PCDHA11: variants seen among roughly 807,000 people sequenced by gnomAD.
The protein encoded by PCDHA11 is protocadherin alpha-11.
PCDHA11 carries 61 observed loss-of-function variants against 70.3 expected under a neutral mutation model. That is an observed-to-expected ratio of 0.87 (90% CI 0.71 to 1.07). PCDHA11 has a LOEUF of 1.07. Among genes scored for constraint, PCDHA11 ranks in the 50% least tolerant of loss-of-function variants. The pLI is 0.00. For synonymous variants in PCDHA11, 633 were observed against 555.1 expected, an observed-to-expected ratio of 1.14 and a Z score of -1.97; for missense variants, 1,324 against 1,237.5, an observed-to-expected ratio of 1.07 and a Z score of -1.05.
intron 1 of PCDHA11, among the ~76,000 whole-genome samples, chr5:140,953,567 C>G (rs1385823859): frequency 6.6e-6 from 1 of 152,018 alleles, no homozygotes; most frequent in Non-Finnish European, 1.5e-5. Flanking sequence ...TTTTAGTGCC[C>G]TCCTCTCCCA....
chr5:140,920,974 A>G (rs77459262), intron 1 of PCDHA11, among the ~76,000 whole-genome samples: 17,697 of 151,984 alleles, frequency 0.12, 1,149 homozygotes, highest in Middle Eastern at 0.19. Context: ...CTAGAGTATA[A>G]TATTGTATTT....
At chr5:140,937,829 A>G (rs1305110198) in intron 1 of PCDHA11, among the ~76,000 whole-genome samples, 2 of 148,988 alleles carry the variant, frequency 1.3e-5, no homozygotes, top group African/African-American at 2.5e-5. Context: ...GGAGAATGGC[A>G]TGAACCTGGA....
chr5:140,969,348 G>A, intron 1 of PCDHA11: 5 of 1,613,304 alleles, frequency 3.1e-6, no homozygotes, highest in Non-Finnish European at 4.2e-6. Flanking sequence ...CAGTGGTCAG[G>A]GGGTCTTCTA....
At chr5:140,878,225 A>G (rs1554170330) in intron 1 of PCDHA11, 1 of 156,262 alleles carries the variant, frequency 6.4e-6, no homozygotes, top group Non-Finnish European at 1.4e-5. Context: ...CCTAGATCCC[A>G]TTAATGGATT....
At chr5:140,967,785 G>A (rs1554229943) in intron 1 of PCDHA11, 6 of 1,614,176 alleles carry the variant, frequency 3.7e-6, no homozygotes, top group Admixed American at 3.3e-5. Context: ...GCGACTGACC[G>A]GGGTCCAGTG....
At chr5:140,942,618 G>A (rs2093340526) in intron 1 of PCDHA11, among the ~76,000 whole-genome samples, 1 of 97,740 alleles carries the variant, frequency 1.0e-5, no homozygotes. Context: ...TTTGCCAATT[G>A]TAAAAAAAAA....
intron 1 of PCDHA11, among the ~76,000 whole-genome samples, chr5:140,874,668 A>G (rs1424174427): frequency 6.6e-6 from 1 of 152,238 alleles, no homozygotes; most frequent in African/African-American, 2.4e-5. Context: ...TCCAGAATCT[A>G]TTCCTGAGAT....
chr5:140,968,994 G>T (rs1182509201), intron 1 of PCDHA11: 2 of 1,614,098 alleles, frequency 1.2e-6, no homozygotes, highest in Non-Finnish European at 1.7e-6. Context: ...GCATGCTGTG[G>T]AGGCTTCTGT....
chr5:140,984,413 C>A lies in PCDHA11; in HGVS notation c.2539+1850C>A, dbSNP rs75063168. Among the ~76,000 whole-genome samples, 1,502 of 152,262 alleles carry A rather than the reference C, an allele frequency of 9.9e-3. 20 individuals carry two copies. Among genetic ancestry groups the A allele is most frequent in the African/African-American group, 0.035 (1,434 of 41,536 alleles). On this transcript the variant is annotated intron_variant, in intron 3 of 3. Transcript: ENST00000398640. ...AAATGTTGAGAACCTATCTTTTTTA[C>A]AGAGATAGAGAAGGGGATCTCCCTT...
intron 3 of PCDHA11, among the ~76,000 whole-genome samples, chr5:140,997,912 A>G (rs2097790316): frequency 6.6e-6 from 1 of 152,224 alleles, no homozygotes; most frequent in Admixed American, 6.5e-5. Flanking sequence ...GTAGAATTAC[A>G]GAATCATAGG....
chr5:140,964,167 C>G (rs370784169), intron 1 of PCDHA11, among the ~76,000 whole-genome samples: 1 of 152,134 alleles, frequency 6.6e-6, no homozygotes, highest in Non-Finnish European at 1.5e-5. Flanking sequence ...GTGTGAGGAA[C>G]GAAATCATTA....
chr5:140,876,233 A>G, intron 1 of PCDHA11: 1 of 1,614,016 alleles, frequency 6.2e-7, no homozygotes, highest in Non-Finnish European at 8.5e-7. Context: ...TTGTCTGAAA[A>G]TGTCCAAAAC....
chr5:140,892,262 T>G (rs1554185143), intron 1 of PCDHA11, among the ~76,000 whole-genome samples: 1 of 152,188 alleles, frequency 6.6e-6, no homozygotes, highest in African/African-American at 2.4e-5. Flanking sequence ...TTTGATTTTG[T>G]GCTGAAAGTT....
At chr5:140,924,697 C>A (rs1443260109) in intron 1 of PCDHA11, among the ~76,000 whole-genome samples, 5 of 151,946 alleles carry the variant, frequency 3.3e-5, no homozygotes, top group Admixed American at 2.6e-4. Context: ...GAGTTCGAGA[C>A]CAGCTTGTGC....
At chr5:140,884,446 G>C in intron 1 of PCDHA11, 1 of 1,613,770 alleles carries the variant, frequency 6.2e-7, no homozygotes, top group Non-Finnish European at 8.5e-7. Context: ...GCTCGGCACC[G>C]CCCACCGAGG....
chr5:140,956,044 T>G (rs1335890349), intron 1 of PCDHA11, among the ~76,000 whole-genome samples: 1 of 152,200 alleles, frequency 6.6e-6, no homozygotes, highest in African/African-American at 2.4e-5. Context: ...AAGAAGCTTT[T>G]GGGCTGAGAC....
intron 1 of PCDHA11, chr5:140,927,048 G>C: frequency 6.2e-7 from 1 of 1,612,122 alleles, no homozygotes; most frequent in Non-Finnish European, 8.5e-7. Flanking sequence ...CTATGTCCTC[G>C]CGGAACTTTC....
Position 140,883,733 on chromosome 5 carries a change from C to T in PCDHA11, c.2391+12239C>T, listed in dbSNP as rs1554179634. 2.5e-6 allele frequency: 4 copies of T among 1,613,458 alleles called. No individual in the cohort carries two copies. In the East Asian group the frequency reaches 6.7e-5, roughly 27 times the overall value. On this transcript the variant is annotated intron_variant, in intron 1 of 3. Coordinates refer to ENST00000398640, the MANE Select transcript of PCDHA11 (RefSeq NM_018902.5). ...GGACGCGGACGCACAGGAGAACGCG[C>T]TGGTCTCCTACTCGCTGGTGGAGCG...
intron 1 of PCDHA11, among the ~76,000 whole-genome samples, chr5:140,952,297 C>G (rs2094716383): frequency 6.7e-6 from 1 of 149,532 alleles, no homozygotes; most frequent in South Asian, 2.1e-4. Context: ...TTCTCACAGC[C>G]ATTTCACTCC....
Sources: gnomAD v4.1 joint callset for allele counts (sites outside exome capture counted in the v4.1 genomes callset) on GRCh38, gnomAD v4.1.1 for gene constraint, MANE v1.5 for transcripts, NCBI Gene and HGNC (gene_info 2026-07-23, HGNC 2026-07-21) for gene names.